The following KIF14 variants were observed in gnomAD, a reference collection of about 807,000 sequenced individuals.
KIF14 encodes kinesin family member 14.
In KIF14, 98 loss-of-function variants were observed where a neutral mutation model predicts 176.2. The ratio of observed to expected loss-of-function variants is 0.56; its 90% confidence interval spans 0.47 to 0.66. The LOEUF is 0.66. Among genes scored for constraint, KIF14 ranks in the 30% least tolerant of loss-of-function variants. KIF14 has a pLI of 0.00. For synonymous variants in KIF14, 566 were observed against 632.2 expected (o/e 0.90, Z 1.57); for missense variants, 1,751 against 1,920.4 (o/e 0.91, Z 1.65).
At chr1:200,581,677 C>T (rs1658462446) in intron 19 of KIF14, among the ~76,000 whole-genome samples, 1 of 149,416 alleles carries the variant, frequency 6.7e-6, no homozygotes, top group South Asian at 2.1e-4. Context: ...TTGTATTTTG[C>T]CTAAAAATTT....
intron 27 of KIF14, among the ~76,000 whole-genome samples, chr1:200,557,294 G>A (rs1234351889): frequency 6.6e-6 from 1 of 152,096 alleles, no homozygotes; most frequent in Non-Finnish European, 1.5e-5. Flanking sequence ...GAGCCACCGC[G>A]CCCAGCCGTG....
At position 200,598,559 on chromosome 1, in the gene KIF14, T is replaced by A. The variant is rs142098720; in HGVS notation, c.2365-138A>T. ...TAAATTAAAGGTTATTTATTTATTTTTTTATTTTTATTTTTTTGAGACAGA... is the reference window on the plus strand; with the variant it reads ...TAAATTAAAGGTTATTTATTTATTTATTTATTTTTATTTTTTTGAGACAGA... On this transcript the variant is annotated intron_variant, in intron 13 of 29. Transcript: ENST00000367350. The A allele has an allele frequency of 3.7e-4, 202 of 549,074 alleles. 2 individuals carry two copies. Among genetic ancestry groups the A allele is most frequent in the African/African-American group, 1.0e-3 (52 of 50,200 alleles). The allele number at this position is 549,074 out of a possible 1,614,324, so 34.0% of individuals were successfully genotyped here. A position where few individuals can be genotyped will look rare whatever the true frequency, so the allele number is the denominator to read the frequency against.
intron 22 of KIF14, among the ~76,000 whole-genome samples, chr1:200,571,321 A>AG (rs71757237): frequency 1.3e-4 from 1 of 7,974 alleles, no homozygotes; most frequent in Non-Finnish European, 2.7e-4. Flanking sequence ...TCTCAAAAAG[A>AG]AAAAAAAAAA....
intron 9 of KIF14, 40 bp downstream of exon 9, chr1:200,603,799 G>T (rs759627601): frequency 8.1e-7 from 1 of 1,227,766 alleles, no homozygotes; most frequent in Non-Finnish European, 1.2e-6. Flanking sequence ...ATGACCTCAG[G>T]AATAAATTTC....
chr1:200,565,743 T>G, intron 23 of KIF14, 74 bp from the exon 24 acceptor site: 4 of 903,534 alleles, frequency 4.4e-6, no homozygotes, highest in Non-Finnish European at 6.7e-6. Context: ...AAAGGGATCC[T>G]TACTTTATGT....
At position 200,553,785 on chromosome 1, in the gene KIF14, G is replaced by A. The variant is rs1223564771; in HGVS notation, c.4568-18C>T. On this transcript the variant is annotated intron_variant, in intron 29 of 29. Coordinates refer to ENST00000367350, the MANE Select transcript of KIF14 (RefSeq NM_014875.3). ...ATGGCATCCTATATGCAAGAGAGGAGGGAAAAGTTAATTAGCCTTTTCAGT... is the reference window on the plus strand; with the variant it reads ...ATGGCATCCTATATGCAAGAGAGGAAGGAAAAGTTAATTAGCCTTTTCAGT... 3 of 1,557,298 alleles carry A rather than the reference G, an allele frequency of 1.9e-6. No individual in the cohort carries two copies. The highest frequency in any genetic ancestry group is 1.4e-5 in the African/African-American group (1 of 72,642).
intron 9 of KIF14, 147 bp from the exon 10 acceptor site, chr1:200,603,488 C>A (rs192682925): frequency 0.011 from 6,454 of 580,612 alleles, 83 homozygotes; most frequent in Non-Finnish European, 0.015. Flanking sequence ...ACTCTGTTGC[C>A]CAGGCTGGAG....
intron 27 of KIF14, 51 bp downstream of exon 27, chr1:200,559,279 A>G: frequency 1.7e-6 from 2 of 1,183,500 alleles, no homozygotes; most frequent in Non-Finnish European, 2.3e-6. Flanking sequence ...TGAAAAAATC[A>G]ACTTTATATA....
At position 200,618,736 on chromosome 1, in the gene KIF14, T is replaced by A. The variant is rs758716737; in HGVS notation, c.-13A>T. 1 of 1,573,696 alleles carries A rather than the reference T, an allele frequency of 6.4e-7. No individual in the cohort carries two copies. The highest frequency in any genetic ancestry group is 8.6e-7 in the Non-Finnish European group (1 of 1,160,670). ...TGTGTAATGACATTTTGGCAGACAG[T>A]TATTTTAAAAAAGAATGTTACTAAG... On this transcript the variant is annotated 5_prime_UTR_variant, in exon 2 of 30. Coordinates refer to ENST00000367350, the MANE Select transcript of KIF14 (RefSeq NM_014875.3).
At chr1:200,592,262 A>G in intron 15 of KIF14, 22 bp from the exon 16 acceptor site, 7 of 1,592,286 alleles carry the variant, frequency 4.4e-6, no homozygotes, top group Non-Finnish European at 6.0e-6. Context: ...AAAAAAATGT[A>G]CTACTTGAGG....
chr1:200,561,007 G>C (rs1571457515), intron 25 of KIF14, 127 bp from the exon 26 acceptor site: 2 of 745,314 alleles, frequency 2.7e-6, no homozygotes, highest in East Asian at 5.2e-5. Context: ...GAGGCGGGTG[G>C]ATCGCCTGAG....
chr1:200,558,886 A>C (rs1656979220), intron 27 of KIF14, among the ~76,000 whole-genome samples: 1 of 152,238 alleles, frequency 6.6e-6, no homozygotes, highest in Non-Finnish European at 1.5e-5. Context: ...TGAAATGCTT[A>C]TTGGTTCTGT....
intron 25 of KIF14, among the ~76,000 whole-genome samples, chr1:200,564,260 C>CAAAA (rs57025286): frequency 4.5e-5 from 3 of 66,306 alleles, no homozygotes; most frequent in Admixed American, 1.7e-4. Context: ...GACTCCAGCT[C>CAAAA]AAAAAAAAAA....
Position 200,605,389 on chromosome 1 carries a change from C to A in KIF14, c.1640G>T (p.Ser547Ile). 1.9e-6 allele frequency: 3 copies of A among 1,606,620 alleles called. No individual in the cohort carries two copies. The East Asian group carries it at 6.7e-5, about 36-fold the overall frequency. Residue 547 changes from serine to isoleucine, a missense_variant and splice_region_variant, in exon 8 of 30, where the codon AGT becomes ATT. Transcript: ENST00000367350. ...NIVSSYADIQ[S>I]WLELGNKQRA... ...TTGTTTATTTCCCAATTCTAGCCAA[C>A]TCTTATAAGAAAAAAGGAAGGAAGA... is the stretch of plus-strand genomic sequence containing the variant.
At position 200,605,740 on chromosome 1, in the gene KIF14, G is replaced by A. The variant is rs534806535; in HGVS notation, c.1638+124C>T. On this transcript the variant is annotated intron_variant, in intron 7 of 29. Transcript: ENST00000367350. ...TTTTGATTAAAACTTAACAAAATCG[G>A]TTTGTGATAAATTAAGGAAACTAAC... is the stretch of plus-strand genomic sequence containing the variant. 105 of 622,772 alleles carry A rather than the reference G, an allele frequency of 1.7e-4. No individual in the cohort carries two copies. In the African/African-American group the frequency reaches 2.0e-3, roughly 12 times the overall value. The allele number at this position is 622,772 out of a possible 1,614,324, so 38.6% of individuals were successfully genotyped here. A position where few individuals can be genotyped will look rare whatever the true frequency, so the allele number is the denominator to read the frequency against.
intron 16 of KIF14, among the ~76,000 whole-genome samples, chr1:200,591,721 T>C (rs182790005): frequency 1.6e-3 from 246 of 152,322 alleles, no homozygotes; most frequent in African/African-American, 5.6e-3. Context: ...CCTTCCCTGA[T>C]AACCGGTCAG....
intron 22 of KIF14, among the ~76,000 whole-genome samples, chr1:200,570,368 G>T (rs148648723): frequency 2.4e-4 from 36 of 152,318 alleles, no homozygotes; most frequent in Admixed American, 1.3e-3. Flanking sequence ...GGCATAGAGT[G>T]TTGTGGTAGA....
Position 200,600,382 on chromosome 1 carries a change from C to G in KIF14, c.2274G>C (p.Gln758His). Residue 758 changes from glutamine (Q) to histidine (H), a missense_variant, in exon 12 of 30, where the codon CAG becomes CAC. Transcript: ENST00000367350. ...ITSLRMKLHQ[Q>H]ERDMAEMQRV... is the part of the protein sequence containing the mutation. ...TTTGCATTTCTGCCATGTCTCTCTC[C>G]TGTTGATGCAGTTTCATTCTTAAGG... is the stretch of plus-strand genomic sequence containing the variant. 4 of 1,613,932 alleles carry G rather than the reference C, an allele frequency of 2.5e-6. No individual in the cohort carries two copies. The highest frequency in any genetic ancestry group is 2.5e-6 in the Non-Finnish European group (3 of 1,179,852).
At chr1:200,562,400 C>T (rs971640887) in intron 25 of KIF14, among the ~76,000 whole-genome samples, 2 of 152,224 alleles carry the variant, frequency 1.3e-5, no homozygotes, top group Admixed American at 1.3e-4. Context: ...ATCCTCACAG[C>T]AATCCTGCCC....
Sources: gnomAD v4.1 joint callset for allele counts (sites outside exome capture counted in the v4.1 genomes callset) on GRCh38, gnomAD v4.1.1 for gene constraint, MANE v1.5 for transcripts, NCBI Gene and HGNC (gene_info 2026-07-23, HGNC 2026-07-21) for gene names.